Variants in MAN2A1 observed in about 807,000 individuals in gnomAD.
MAN2A1 encodes the protein alpha-mannosidase 2.
MAN2A1 carries 76 observed loss-of-function variants against 142.6 expected under a neutral mutation model. That is an observed-to-expected ratio of 0.53 (90% CI 0.44 to 0.65). The LOEUF (loss-of-function observed/expected upper bound fraction) is 0.65, where lower values mean the gene tolerates loss of function less well. MAN2A1 is among the 30% of genes least tolerant of loss of function. The probability of loss-of-function intolerance (pLI) is 0.00; values close to 1 mark genes in which losing one functional copy is unlikely to be tolerated. For synonymous variants in MAN2A1, 559 were observed against 473.2 expected, an observed-to-expected ratio of 1.18 and a Z score of -2.35; for missense variants, 1,311 against 1,365.1, an observed-to-expected ratio of 0.96 and a Z score of 0.62.
At chr5:109,854,600 T>C (rs1013671654) in intron 19 of MAN2A1, 3 of 152,164 alleles carry the variant, frequency 2.0e-5, no homozygotes, top group Non-Finnish European at 2.9e-5. Flanking sequence ...ATTTTGAGAG[T>C]TTTGTTTTCT....
chr5:109,855,407 G>GA, intron 20 of MAN2A1, 73 bp downstream of exon 20: 3 of 953,296 alleles, frequency 3.1e-6, no homozygotes, highest in East Asian at 6.3e-5. Context: ...AAGGAAAGGA[G>GA]AAAAAAATAA....
intron 8 of MAN2A1, among the ~76,000 whole-genome samples, chr5:109,776,618 G>T (rs1387728304): frequency 6.6e-6 from 1 of 152,106 alleles, no homozygotes; most frequent in South Asian, 2.1e-4. Context: ...TTAAAAAATT[G>T]AAGTGCCACA....
intron 20 of MAN2A1, among the ~76,000 whole-genome samples, chr5:109,860,363 T>C (rs1755724532): frequency 6.6e-6 from 1 of 152,312 alleles, no homozygotes; most frequent in African/African-American, 2.4e-5. Flanking sequence ...TTAGGACTTA[T>C]AATGAAGCAT....
intron 19 of MAN2A1, 73 bp downstream of exon 19, chr5:109,847,863 C>T: frequency 8.3e-7 from 1 of 1,198,262 alleles, no homozygotes; most frequent in Non-Finnish European, 1.1e-6. Flanking sequence ...TATGACTTTC[C>T]ACTTTTAAAA....
At position 109,865,041 on chromosome 5, in the gene MAN2A1, C is replaced by A; in HGVS notation, c.3177C>A (p.Gly1059=). 6.2e-7 allele frequency: 1 copy of A among 1,612,070 alleles called. No homozygotes were observed. Among genetic ancestry groups the A allele is most frequent in the Non-Finnish European group, 8.5e-7 (1 of 1,178,224 alleles). Residue 1059 remains glycine (G), a synonymous_variant, in exon 21 of 22, where the codon GGC becomes GGA. Coordinates refer to ENST00000261483, the MANE Select transcript of MAN2A1 (RefSeq NM_002372.4). ...TGCATTCTGCTCATTTGCAGGTGGG[C>A]AATGGGCACTCCAATGAGGCAGCCT... is the stretch of plus-strand genomic sequence containing the variant. ...VNLRTIQSKV[G]NGHSNEAALI... is the part of the protein sequence containing the mutation.
chr5:109,822,309 T>G (rs1429310688), intron 15 of MAN2A1, among the ~76,000 whole-genome samples: 1 of 152,176 alleles, frequency 6.6e-6, no homozygotes, highest in Non-Finnish European at 1.5e-5. Context: ...TTGGACATTT[T>G]ATTTTGATTG....
intron 12 of MAN2A1, among the ~76,000 whole-genome samples, chr5:109,813,482 A>G (rs1294613172): frequency 6.6e-6 from 1 of 152,242 alleles, no homozygotes; most frequent in Non-Finnish European, 1.5e-5. Context: ...GTTGAACCTC[A>G]GTTTCCTTAT....
At chr5:109,780,234 G>A (rs1490761914) in intron 8 of MAN2A1, among the ~76,000 whole-genome samples, 1 of 150,960 alleles carries the variant, frequency 6.6e-6, no homozygotes, top group Admixed American at 6.6e-5. Flanking sequence ...ATTTTTTTTT[G>A]TATTTTTAGT....
At chr5:109,811,730 A>G (rs1754325790) in intron 12 of MAN2A1, among the ~76,000 whole-genome samples, 1 of 151,664 alleles carries the variant, frequency 6.6e-6, no homozygotes, top group Non-Finnish European at 1.5e-5. Context: ...TCCCTCCTAA[A>G]CTGTAGGTAC....
In MAN2A1 at chr5:109,785,260, A is replaced by G. The variant is rs75389150; in HGVS notation, c.1760+334A>G. On this transcript the variant is annotated intron_variant, in intron 10 of 21. Transcript: ENST00000261483. The stretch of plus-strand genomic sequence containing the variant: ...CCAAGGACTTGGCATCAAATAAAAC[A>G]TAGTTATAATGTAGAGAGATAAAGA... Among the ~76,000 whole-genome samples the G allele has an allele frequency of 6.9e-3, 1,053 of 152,218 alleles. 17 individuals carry two copies. Among genetic ancestry groups the G allele is most frequent in the African/African-American group, 0.022 (923 of 41,548 alleles).
intron 7 of MAN2A1, among the ~76,000 whole-genome samples, chr5:109,774,281 C>A (rs1582883741): frequency 6.6e-6 from 1 of 151,916 alleles, no homozygotes; most frequent in East Asian, 1.9e-4. Context: ...AACATTTATT[C>A]CCTTTTGGTT....
chr5:109,752,286 CTCTT>C (rs1752567580), intron 4 of MAN2A1, among the ~76,000 whole-genome samples: 1 of 152,136 alleles, frequency 6.6e-6, no homozygotes, highest in Non-Finnish European at 1.5e-5. Flanking sequence ...ACTGACCTTT[CTCTT>C]TCTATTTTAT....
At chr5:109,734,640 T>C (rs1271323755) in intron 4 of MAN2A1, among the ~76,000 whole-genome samples, 1 of 152,242 alleles carries the variant, frequency 6.6e-6, no homozygotes, top group Non-Finnish European at 1.5e-5. Context: ...CCAGTAGTCA[T>C]TCAGGAACAG....
intron 1 of MAN2A1, among the ~76,000 whole-genome samples, chr5:109,691,292 A>G (rs1017017172): frequency 6.6e-6 from 1 of 152,200 alleles, no homozygotes; most frequent in African/African-American, 2.4e-5. Flanking sequence ...ACCAAAAATA[A>G]GCAAAGCGGA....
At chr5:109,802,035 T>G (rs980221482) in intron 12 of MAN2A1, among the ~76,000 whole-genome samples, 15 of 152,198 alleles carry the variant, frequency 9.9e-5, no homozygotes, top group Non-Finnish European at 1.6e-4. Context: ...ATTCATTCAG[T>G]GACAAATTTA....
At chr5:109,704,348 T>G (rs1384090773) in intron 1 of MAN2A1, among the ~76,000 whole-genome samples, 1 of 152,232 alleles carries the variant, frequency 6.6e-6, no homozygotes. Context: ...AGCTACGTAT[T>G]TTTTGTGCTC....
At chr5:109,825,900 CTTTTTTTTTTTT>C (rs869069525) in intron 16 of MAN2A1, among the ~76,000 whole-genome samples, 14 of 92,184 alleles carry the variant, frequency 1.5e-4, no homozygotes, top group African/African-American at 3.6e-4. Context: ...TCTTTCCTTC[CTTTTTTTTTTTT>C]TTTTTTTTTT....
chr5:109,791,532 T>C (rs1179716965), intron 12 of MAN2A1, among the ~76,000 whole-genome samples: 1 of 151,994 alleles, frequency 6.6e-6, no homozygotes, highest in Non-Finnish European at 1.5e-5. Flanking sequence ...TCATGAGTCT[T>C]CTTTAATGTT....
At chr5:109,752,676 C>G (rs1752578984) in intron 4 of MAN2A1, among the ~76,000 whole-genome samples, 2 of 152,212 alleles carry the variant, frequency 1.3e-5, no homozygotes, top group East Asian at 1.9e-4. Flanking sequence ...GCAGTTGAGA[C>G]CAGCCAGACT....
Sources: gnomAD v4.1 joint callset for allele counts (sites outside exome capture counted in the v4.1 genomes callset) on GRCh38, gnomAD v4.1.1 for gene constraint, MANE v1.5 for transcripts, NCBI Gene and HGNC (gene_info 2026-07-23, HGNC 2026-07-21) for gene names.